Variants in BMPR2 observed in about 807,000 individuals in gnomAD.
The protein encoded by BMPR2 is bone morphogenetic protein receptor type 2.
BMPR2 carries 29 observed loss-of-function variants against 100.8 expected under a neutral mutation model. The observed-to-expected ratio is 0.29, with a 90% CI of 0.21 to 0.39. The LOEUF (loss-of-function observed/expected upper bound fraction) is 0.39, where lower values mean the gene tolerates loss of function less well. Among genes scored for constraint, BMPR2 ranks in the 10% least tolerant of loss-of-function variants. BMPR2 has a pLI of 1.00. For missense variants in BMPR2, 1,011 were observed against 1,274.5 expected (o/e 0.79, Z 3.15); for synonymous variants, 382 against 442.3 (o/e 0.86, Z 1.71).
At chr2:202,403,491 T>C (rs927346071) in intron 1 of BMPR2, among the ~76,000 whole-genome samples, 27 of 152,076 alleles carry the variant, frequency 1.8e-4, no homozygotes, top group African/African-American at 5.3e-4. Flanking sequence ...AGCCTTTTTT[T>C]CTCGTATAAT....
intron 10 of BMPR2, among the ~76,000 whole-genome samples, chr2:202,543,241 C>CATATATATTTAT (rs1411584010): frequency 8.6e-4 from 125 of 144,752 alleles, no homozygotes; most frequent in African/African-American, 2.4e-3. Context: ...TATTTATATA[C>CATATATATTTAT]ATATATATTT....
Position 202,462,660 on chromosome 2 carries a change from T to C in BMPR2, c.77-2149T>C, listed in dbSNP as rs76795605. Among the ~76,000 whole-genome samples the C allele has an allele frequency of 3.3e-5, 5 of 151,800 alleles. No individual in the cohort carries two copies. The East Asian group carries it at 7.7e-4, about 23-fold the overall frequency. On this transcript the variant is annotated intron_variant, in intron 1 of 12. Coordinates refer to ENST00000374580, the MANE Select transcript of BMPR2 (RefSeq NM_001204.7). ...TTTTTTTTTAACTATACTTTTTTTT[T>C]AAATGCTGAACTATCCACAGGCCCT...
chr2:202,558,744 G>A (rs991316704), intron 12 of BMPR2, among the ~76,000 whole-genome samples: 1 of 151,688 alleles, frequency 6.6e-6, no homozygotes, highest in East Asian at 2.0e-4. Flanking sequence ...AAATACAAAA[G>A]TAGCCAGACG....
intron 3 of BMPR2, among the ~76,000 whole-genome samples, chr2:202,473,518 C>A (rs985519881): frequency 3.9e-5 from 6 of 152,166 alleles, no homozygotes; most frequent in African/African-American, 1.4e-4. Context: ...TGGCCAGGCG[C>A]GGTGGCTTAC....
intron 1 of BMPR2, among the ~76,000 whole-genome samples, chr2:202,449,557 T>C (rs928353250): frequency 6.6e-6 from 1 of 152,162 alleles, no homozygotes; most frequent in African/African-American, 2.4e-5. Context: ...GGAATTTGGA[T>C]ACCTGCTAGG....
At chr2:202,528,230 C>G (rs1559065835) in intron 7 of BMPR2, among the ~76,000 whole-genome samples, 1 of 152,166 alleles carries the variant, frequency 6.6e-6, no homozygotes, top group Non-Finnish European at 1.5e-5. Flanking sequence ...CTCTGTCGCC[C>G]AGGCTGTAGT....
At chr2:202,533,684 G>A (rs1185253005) in intron 9 of BMPR2, among the ~76,000 whole-genome samples, 3 of 152,008 alleles carry the variant, frequency 2.0e-5, no homozygotes, top group East Asian at 1.9e-4. Flanking sequence ...TTAGCCAGGC[G>A]TGGTGGCGAG....
chr2:202,383,572 C>T lies in BMPR2; in HGVS notation c.76+6022C>T, dbSNP rs1030836162. 7.3e-5 allele frequency among the ~76,000 whole-genome samples: 11 copies of T among 151,134 alleles called. No individual in the cohort carries two copies. The East Asian group carries it at 1.8e-3, about 24-fold the overall frequency. On this transcript the variant is annotated intron_variant, in intron 1 of 12. Coordinates refer to ENST00000374580, the MANE Select transcript of BMPR2 (RefSeq NM_001204.7). Reference sequence around the variant, plus strand: ...GCACATGCCTGTAATCCCAGCTACTCGGGAGGCTGAGGCATCGCTTGAACC... The same window carrying T: ...GCACATGCCTGTAATCCCAGCTACTTGGGAGGCTGAGGCATCGCTTGAACC...
intron 3 of BMPR2, among the ~76,000 whole-genome samples, chr2:202,506,691 G>A (rs944085678): frequency 6.6e-5 from 10 of 151,962 alleles, no homozygotes; most frequent in African/African-American, 2.4e-4. Context: ...ACGAGGTCAG[G>A]AGTTTGAGAC....
At chr2:202,426,568 CAAAAAA>C (rs35528511) in intron 1 of BMPR2, among the ~76,000 whole-genome samples, 1 of 58,074 alleles carries the variant, frequency 1.7e-5, no homozygotes, top group Non-Finnish European at 3.1e-5. Context: ...GTCTCCGTCT[CAAAAAA>C]AAAAAAAAAA....
At chr2:202,476,663 C>A (rs1355999829) in intron 3 of BMPR2, among the ~76,000 whole-genome samples, 3 of 152,040 alleles carry the variant, frequency 2.0e-5, no homozygotes, top group Non-Finnish European at 4.4e-5. Context: ...GTGGCATGCG[C>A]CTGTAATCCC....
intron 1 of BMPR2, among the ~76,000 whole-genome samples, chr2:202,437,867 T>G (rs1041832469): frequency 6.6e-6 from 1 of 150,740 alleles, no homozygotes; most frequent in East Asian, 1.9e-4. Context: ...CTTTCATCAA[T>G]TGATGGACAT....
intron 1 of BMPR2, among the ~76,000 whole-genome samples, chr2:202,378,915 T>C (rs1690214004): frequency 6.6e-6 from 1 of 152,200 alleles, no homozygotes; most frequent in South Asian, 2.1e-4. Flanking sequence ...TTTTCAATGT[T>C]ATTTGTTATT....
chr2:202,522,578 C>A (rs1057504596), intron 7 of BMPR2, among the ~76,000 whole-genome samples: 3 of 151,692 alleles, frequency 2.0e-5, no homozygotes, highest in Non-Finnish European at 2.9e-5. Context: ...ATCTATAATC[C>A]GAACAATTTG....
chr2:202,511,998 G>A (rs1469828615), intron 3 of BMPR2, among the ~76,000 whole-genome samples: 2 of 151,214 alleles, frequency 1.3e-5, no homozygotes, highest in African/African-American at 4.9e-5. Context: ...TCCAGCCTGG[G>A]CGACAGAGCA....
At chr2:202,520,377 C>T in intron 7 of BMPR2, 176 bp downstream of exon 7, 1 of 634,844 alleles carries the variant, frequency 1.6e-6, no homozygotes, top group Non-Finnish European at 2.8e-6. Flanking sequence ...AAGAGCTTTC[C>T]CACGCAGCTG....
intron 1 of BMPR2, among the ~76,000 whole-genome samples, chr2:202,453,969 T>A (rs557123351): frequency 3.5e-4 from 54 of 152,272 alleles, no homozygotes; most frequent in African/African-American, 7.0e-4. Flanking sequence ...AATAAAAAAA[T>A]TTTTTGTAAG....
Position 202,464,962 on chromosome 2 carries a change from T to C in BMPR2, c.230T>C (p.Ile77Thr), listed in dbSNP as rs144389360. Reference sequence around the variant, plus strand: ...CTTTGGGAGAAATCAAAAGGGGACATAAATCTTGTAAAACAAGGCAAGTGA... The same window carrying C: ...CTTTGGGAGAAATCAAAAGGGGACACAAATCTTGTAAAACAAGGCAAGTGA... Reference protein sequence around the residue: ...YGLWEKSKGDINLVKQGCWSH... With the variant: ...YGLWEKSKGDTNLVKQGCWSH... Residue 77 changes from isoleucine to threonine, a missense_variant, in exon 2 of 13, where the codon ATA becomes ACA. By Grantham distance (89) the Ile-to-Thr change is moderately conservative. Transcript: ENST00000374580. 93 of 1,614,102 alleles carry C rather than the reference T, an allele frequency of 5.8e-5. No homozygotes were observed. In the Admixed American group the frequency reaches 1.5e-3, roughly 26 times the overall value.
At chr2:202,496,012 A>G (rs1693018911) in intron 3 of BMPR2, among the ~76,000 whole-genome samples, 1 of 152,242 alleles carries the variant, frequency 6.6e-6, no homozygotes, top group Non-Finnish European at 1.5e-5. Context: ...AGGAACAGCA[A>G]AAAGACAGCG....
Sources: allele counts gnomAD v4.1 joint callset (sites outside exome capture counted in the v4.1 genomes callset), GRCh38; gene constraint gnomAD v4.1.1; transcripts MANE v1.5; gene names NCBI Gene and HGNC (gene_info 2026-07-23, HGNC 2026-07-21).